Variants in RASGRP1 observed in about 807,000 individuals in gnomAD.
The protein encoded by RASGRP1 is RAS guanyl releasing protein 1, also known as RAS guanyl-releasing protein 1.
RASGRP1 carries 37 observed loss-of-function variants against 95.1 expected under a neutral mutation model. The ratio of observed to expected loss-of-function variants is 0.39; its 90% CI spans 0.30 to 0.51. The LOEUF (loss-of-function observed/expected upper bound fraction) is 0.51. Ranked by LOEUF, RASGRP1 falls within the 20% of genes least tolerant of loss-of-function variation. The pLI, the probability that RASGRP1 is intolerant of heterozygous loss-of-function variation, is 0.80. For synonymous variants in RASGRP1, 325 were observed against 353.4 expected, an observed-to-expected ratio of 0.92 and a Z score of 0.90; for missense variants, 711 against 965.4, an observed-to-expected ratio of 0.74 and a Z score of 3.49.
intron 1 of RASGRP1, 69 bp downstream of exon 1, chr15:38,564,525 G>A (rs929951634): frequency 4.7e-6 from 6 of 1,288,042 alleles, no homozygotes; most frequent in African/African-American, 4.6e-5. Flanking sequence ...GTGTTGGGGC[G>A]ACGGGCAGGG....
Position 38,543,179 on chromosome 15 carries a change from T to C in RASGRP1, c.220+16642A>G, listed in dbSNP as rs538280777. ...TAACTTTACATTCAGGTTAACATTA[T>C]TTACAGTTACATCATTTGATTCATC... is the stretch of plus-strand genomic sequence containing the variant. On this transcript the variant is annotated intron_variant, in intron 2 of 16. Coordinates refer to ENST00000310803, the MANE Select transcript of RASGRP1 (RefSeq NM_005739.4). Among the ~76,000 whole-genome samples, 13 of 152,210 alleles carry C rather than the reference T, an allele frequency of 8.5e-5. No individual in the cohort carries two copies. In the South Asian group the frequency reaches 2.7e-3, roughly 32 times the overall value.
Position 38,507,746 on chromosome 15 carries a change from C to G in RASGRP1, c.1222G>C (p.Asp408His). 6.4e-7 allele frequency: 1 copy of G among 1,574,382 alleles called. No homozygotes were observed. The highest frequency in any genetic ancestry group is 8.6e-7 in the Non-Finnish European group (1 of 1,159,316). ...CTCACCGTCAGCAAGTGTACCAAGT[C>G]CTTGTTAGCCTCCAAGGGTGGGGCC... is the stretch of plus-strand genomic sequence containing the variant. ...EVAPPLEANK[D>H]LVHLLTLSLD... Residue 408 changes from aspartate to histidine, a missense_variant, in exon 9 of 17, where the codon GAC becomes CAC. Transcript: ENST00000310803.
At chr15:38,540,264 A>G (rs536499872) in intron 2 of RASGRP1, among the ~76,000 whole-genome samples, 95 of 152,278 alleles carry the variant, frequency 6.2e-4, no homozygotes, top group Middle Eastern at 6.8e-3. Context: ...TTCAAGAGTA[A>G]GTAAAAGGGT....
At chr15:38,520,430 CAA>C (rs1468181143) in intron 3 of RASGRP1, among the ~76,000 whole-genome samples, 1 of 152,150 alleles carries the variant, frequency 6.6e-6, no homozygotes, top group African/African-American at 2.4e-5. Flanking sequence ...AAAAGAGAGT[CAA>C]AGTCATAGTA....
intron 3 of RASGRP1, among the ~76,000 whole-genome samples, chr15:38,520,348 C>T (rs1048306015): frequency 6.6e-6 from 1 of 152,160 alleles, no homozygotes; most frequent in African/African-American, 2.4e-5. Flanking sequence ...TTAACTGGGA[C>T]AGGACTGGTC....
intron 15 of RASGRP1, among the ~76,000 whole-genome samples, chr15:38,496,830 G>A (rs2141080939): frequency 6.6e-6 from 1 of 152,306 alleles, no homozygotes; most frequent in East Asian, 1.9e-4. Flanking sequence ...AAGCACTTAA[G>A]CTTTGATCTA....
chr15:38,552,343 T>G (rs1455956185), intron 2 of RASGRP1, among the ~76,000 whole-genome samples: 1 of 152,230 alleles, frequency 6.6e-6, no homozygotes, highest in Non-Finnish European at 1.5e-5. Flanking sequence ...GTCTCAGCTT[T>G]TAGGGTCCCT....
In RASGRP1 at chr15:38,489,831, T is replaced by A. The variant is rs1566904719; in HGVS notation, c.*723A>T. 6.6e-6 allele frequency: 1 copy of A among 152,006 alleles called. No homozygotes were observed. Among genetic ancestry groups the A allele is most frequent in the Non-Finnish European group, 1.5e-5 (1 of 67,904 alleles). The allele number at this position is 152,006 out of a possible 1,614,324, so 9.4% of individuals were successfully genotyped here. On this transcript the variant is annotated 3_prime_UTR_variant, in exon 17 of 17. Transcript: ENST00000310803. ...ATTTTAATTAGACAGTAATATGAGA[T>A]GGTAATAGCTATGTTTCCAGGTACC...
chr15:38,504,131 C>T (rs1004934709), intron 10 of RASGRP1: 2 of 152,052 alleles, frequency 1.3e-5, no homozygotes, highest in African/African-American at 4.8e-5. Flanking sequence ...GGCACTTAAC[C>T]ATGAATAGAG....
chr15:38,490,744 A>G (rs1291215202), intron 16 of RASGRP1, 56 bp from the exon 17 acceptor site: 1 of 1,513,968 alleles, frequency 6.6e-7, no homozygotes, highest in African/African-American at 1.4e-5. Context: ...TAGCAAATGA[A>G]TTACAAATTG....
intron 2 of RASGRP1, among the ~76,000 whole-genome samples, chr15:38,549,351 A>G (rs1893237766): frequency 2.0e-5 from 3 of 152,368 alleles, no homozygotes; most frequent in East Asian, 3.9e-4. Context: ...TCCATAGTCT[A>G]TAACTACATT....
intron 15 of RASGRP1, among the ~76,000 whole-genome samples, chr15:38,498,026 A>G (rs1397526672): frequency 1.3e-5 from 2 of 152,144 alleles, no homozygotes. Flanking sequence ...TCTTAAATTA[A>G]TGGCTTGGGG....
At chr15:38,515,257 T>C (rs1891713373) in intron 6 of RASGRP1, among the ~76,000 whole-genome samples, 1 of 152,168 alleles carries the variant, frequency 6.6e-6, no homozygotes, top group Non-Finnish European at 1.5e-5. Flanking sequence ...AAGTCAGCCC[T>C]CTGGGCCTCC....
chr15:38,503,036 A>C, intron 11 of RASGRP1: 1 of 556,342 alleles, frequency 1.8e-6, no homozygotes. Context: ...ACAACCTTTA[A>C]GCATATGCTC....
chr15:38,518,465 C>A lies in RASGRP1; in HGVS notation c.390-42G>T, dbSNP rs142466041. Reference sequence around the variant, plus strand: ...AAAAAACACAATCCAAAACTGATACCAAGGACTCACAATTTGTTGGGTTCC... The same window carrying A: ...AAAAAACACAATCCAAAACTGATACAAAGGACTCACAATTTGTTGGGTTCC... On this transcript the variant is annotated intron_variant, in intron 4 of 16. Transcript: ENST00000310803. 5 of 1,569,314 alleles carry A rather than the reference C, an allele frequency of 3.2e-6. No individual in the cohort carries two copies. In the South Asian group the frequency reaches 3.5e-5, roughly 11 times the overall value.
Position 38,512,931 on chromosome 15 carries a change from A to G in RASGRP1, c.701T>C (p.Val234Ala), listed in dbSNP as rs1273062347. Residue 234 changes from valine to alanine, a missense_variant, in exon 7 of 17, where the codon GTA becomes GCA. Coordinates refer to ENST00000310803, the MANE Select transcript of RASGRP1 (RefSeq NM_005739.4). The part of the protein sequence containing the change: ...ISFSDYQNYL[V>A]NSCVKENPTM... ...GGGGTTTTCCTTCACACAGCTATTT[A>G]CAAGGTAATTCTGATAATCAGAGAA... 3.2e-6 allele frequency: 5 copies of G among 1,578,300 alleles called. No homozygotes were observed.
Position 38,498,669 on chromosome 15 carries a change from C to G in RASGRP1, c.1873+125G>C. ...AATCCAAAACTGTGGGAGGGGTCAGCCCTGGCCTAGCTGTTGAGGTTACAT... is the reference window on the plus strand; with the variant it reads ...AATCCAAAACTGTGGGAGGGGTCAGGCCTGGCCTAGCTGTTGAGGTTACAT... On this transcript the variant is annotated intron_variant, in intron 15 of 16. Coordinates refer to ENST00000310803, the MANE Select transcript of RASGRP1 (RefSeq NM_005739.4). The G allele has an allele frequency of 4.1e-6, 5 of 1,219,486 alleles. No homozygotes were observed. The East Asian group carries it at 1.0e-4, about 24-fold the overall frequency. The allele number at this position is 1,219,486 out of a possible 1,614,324, so 75.5% of individuals were successfully genotyped here.
chr15:38,536,243 A>G (rs954873505), intron 2 of RASGRP1, among the ~76,000 whole-genome samples: 1 of 152,188 alleles, frequency 6.6e-6, no homozygotes, highest in Non-Finnish European at 1.5e-5. Context: ...ATGCAGCACT[A>G]TAGACATGAG....
intron 3 of RASGRP1, 127 bp downstream of exon 3, chr15:38,526,172 G>T (rs767187237): frequency 1.4e-6 from 1 of 729,378 alleles, no homozygotes; most frequent in Non-Finnish European, 2.4e-6. Context: ...CCCCTGAAAG[G>T]ACATATGAAC....
Sources: gnomAD v4.1 joint callset for allele counts (sites outside exome capture counted in the v4.1 genomes callset) on GRCh38, gnomAD v4.1.1 for gene constraint, MANE v1.5 for transcripts, NCBI Gene and HGNC (gene_info 2026-07-23, HGNC 2026-07-21) for gene names.